The following PHF21B variants were observed in gnomAD, a reference collection of about 807,000 sequenced individuals.
PHF21B encodes PHD finger protein 21B, also known as PHD finger protein 4.
Under a neutral mutation model 62.2 loss-of-function variants are expected in PHF21B, and 22 were observed. The observed-to-expected ratio is 0.35, with a 90% CI of 0.25 to 0.51. PHF21B has a LOEUF of 0.51. Ranked by LOEUF, PHF21B falls within the 20% of genes least tolerant of loss-of-function variation. The probability of loss-of-function intolerance (pLI) is 0.97; values close to 1 mark genes in which losing one functional copy is unlikely to be tolerated. For synonymous variants in PHF21B, 341 were observed against 314.7 expected, an observed-to-expected ratio of 1.08 and a Z score of -0.88; for missense variants, 701 against 707.9, an observed-to-expected ratio of 0.99 and a Z score of 0.11.
intron 2 of PHF21B, among the ~76,000 whole-genome samples, chr22:44,935,545 T>C (rs1460057692): frequency 1.4e-4 from 21 of 150,778 alleles, no homozygotes; most frequent in Admixed American, 1.1e-3. Flanking sequence ...ACCCGGGAGG[T>C]GGAGCTTGCA....
At chr22:44,939,217 C>T (rs972317320) in intron 2 of PHF21B, among the ~76,000 whole-genome samples, 4 of 152,314 alleles carry the variant, frequency 2.6e-5, no homozygotes, top group Non-Finnish European at 5.9e-5. Context: ...CCAGGGACTG[C>T]GGGAAGCTGC....
intron 9 of PHF21B, 119 bp downstream of exon 9, chr22:44,889,641 C>T (rs1353390564): frequency 5.5e-6 from 7 of 1,272,962 alleles, no homozygotes; most frequent in South Asian, 4.4e-5. Context: ...AAGGCAGAAC[C>T]GAAAGGCCTT....
chr22:44,963,404 G>GT (rs1268077119), intron 2 of PHF21B, among the ~76,000 whole-genome samples: 4 of 152,254 alleles, frequency 2.6e-5, no homozygotes, highest in East Asian at 1.9e-4. Flanking sequence ...TAAGGATTTT[G>GT]TTTTTTTACC....
intron 7 of PHF21B, 80 bp from the exon 8 acceptor site, chr22:44,891,440 T>A: frequency 6.6e-7 from 1 of 1,524,154 alleles, no homozygotes; most frequent in Non-Finnish European, 9.0e-7. Context: ...AGGTCAGGAC[T>A]CTCTCTGGGA....
At chr22:44,959,827 G>C (rs2072381037) in intron 2 of PHF21B, among the ~76,000 whole-genome samples, 1 of 152,236 alleles carries the variant, frequency 6.6e-6, no homozygotes, top group South Asian at 2.1e-4. Context: ...AGTTATGAAA[G>C]AAGCCCAGGA....
intron 3 of PHF21B, 53 bp from the exon 4 acceptor site, chr22:44,916,683 G>C: frequency 1.3e-6 from 2 of 1,527,388 alleles, no homozygotes; most frequent in East Asian, 4.5e-5. Flanking sequence ...CAGGAGTGCA[G>C]GGGAGGGGCC....
In PHF21B at chr22:44,916,618, T is replaced by A. The variant is rs1290567112; in HGVS notation, c.226A>T (p.Thr76Ser). 1 of 1,601,208 alleles carries A rather than the reference T, an allele frequency of 6.2e-7. No individual in the cohort carries two copies. Among genetic ancestry groups the A allele is most frequent in the Admixed American group, 1.7e-5 (1 of 59,964 alleles). Reference sequence around the variant, plus strand: ...ACGGGGAGGCTGTCTGGAATCAGAGTCTTTGGCCTAACCTGGGAAGAAGGG... The same window carrying A: ...ACGGGGAGGCTGTCTGGAATCAGAGACTTTGGCCTAACCTGGGAAGAAGGG... The part of the protein sequence containing the change: ...AAVLPQVRPK[T>S]LIPDSLPVAP... Residue 76 changes from threonine to serine, a missense_variant, in exon 4 of 13, where the codon ACT (threonine) becomes TCT (serine). Physicochemically the swap from Thr to Ser is moderately conservative, Grantham distance 58 (BLOSUM62 1). Coordinates refer to ENST00000313237, the MANE Select transcript of PHF21B (RefSeq NM_138415.5).
At chr22:44,894,256 T>A (rs1434861726) in intron 6 of PHF21B, among the ~76,000 whole-genome samples, 1 of 151,896 alleles carries the variant, frequency 6.6e-6, no homozygotes, top group Non-Finnish European at 1.5e-5. Context: ...ACAGCAGAGG[T>A]TGGGGAGAGG....
chr22:44,966,740 A>G (rs144237262), intron 2 of PHF21B, among the ~76,000 whole-genome samples: 2 of 152,340 alleles, frequency 1.3e-5, no homozygotes, highest in Non-Finnish European at 2.9e-5. Context: ...ATCAAGACCA[A>G]GAAAAATTGT....
At chr22:44,922,930 A>T (rs1239533209) in intron 2 of PHF21B, among the ~76,000 whole-genome samples, 1 of 152,172 alleles carries the variant, frequency 6.6e-6, no homozygotes, top group African/African-American at 2.4e-5. Context: ...CTCAAATCAA[A>T]ATCTCAGTCA....
intron 2 of PHF21B, chr22:45,008,212 C>T: frequency 4.5e-6 from 1 of 220,938 alleles, no homozygotes; most frequent in Non-Finnish European, 8.8e-6. Flanking sequence ...CCCCCATGGC[C>T]GCCTCAGCGC....
chr22:44,893,352 G>C (rs2071000176), intron 7 of PHF21B, 105 bp downstream of exon 7: 10 of 1,069,036 alleles, frequency 9.4e-6, no homozygotes, highest in East Asian at 7.8e-5. Flanking sequence ...ACAGACGAGG[G>C]GGGTGCTTAG....
intron 6 of PHF21B, among the ~76,000 whole-genome samples, chr22:44,895,697 A>G (rs1173007888): frequency 2.0e-5 from 3 of 152,194 alleles, no homozygotes; most frequent in Non-Finnish European, 4.4e-5. Context: ...GGGAGCCCAC[A>G]CGGTCCCTCC....
At chr22:44,888,382 C>A (rs2070898294) in intron 9 of PHF21B, among the ~76,000 whole-genome samples, 1 of 152,146 alleles carries the variant, frequency 6.6e-6, no homozygotes, top group East Asian at 1.9e-4. Context: ...GGAGTCTGGC[C>A]TGGTGTGACT....
intron 2 of PHF21B, among the ~76,000 whole-genome samples, chr22:44,995,315 C>T (rs1245363867): frequency 6.6e-6 from 1 of 152,108 alleles, no homozygotes; most frequent in Non-Finnish European, 1.5e-5. Context: ...TAATTAGATC[C>T]ACAATATGAG....
intron 2 of PHF21B, among the ~76,000 whole-genome samples, chr22:44,990,192 G>A (rs141650915): frequency 1.9e-4 from 29 of 152,278 alleles, no homozygotes; most frequent in East Asian, 5.8e-4. Flanking sequence ...GATGGAACAC[G>A]GTCACCCCTG....
chr22:44,962,837 AG>A (rs777991369), intron 2 of PHF21B, among the ~76,000 whole-genome samples: 2 of 152,180 alleles, frequency 1.3e-5, no homozygotes, highest in Non-Finnish European at 2.9e-5. Context: ...CGATGTGGCC[AG>A]AAGACTCAGC....
rs1170676290 is a variant in PHF21B at position 44,881,923 on chromosome 22, C to G, written c.*1163G>C. 6.6e-6 allele frequency: 1 copy of G among 152,606 alleles called. No homozygotes were observed. Among genetic ancestry groups the G allele is most frequent in the Non-Finnish European group, 1.5e-5 (1 of 68,050 alleles). The allele number at this position is 152,606 out of a possible 1,614,324, so 9.5% of individuals were successfully genotyped here. ...CTCCCGAGCCACCGCCCTTTCTTTC[C>G]TCCCCAACCCTCCACCCGGCTCGTA... On this transcript the variant is annotated 3_prime_UTR_variant, in exon 13 of 13. Coordinates refer to ENST00000313237, the MANE Select transcript of PHF21B (RefSeq NM_138415.5).
chr22:44,906,441 G>A (rs1377279323), intron 5 of PHF21B, among the ~76,000 whole-genome samples: 2 of 152,224 alleles, frequency 1.3e-5, no homozygotes, highest in East Asian at 1.9e-4. Flanking sequence ...GGGCCGAAAC[G>A]TGTGTGTAAC....
Sources: allele counts gnomAD v4.1 joint callset (sites outside exome capture counted in the v4.1 genomes callset), GRCh38; gene constraint gnomAD v4.1.1; transcripts MANE v1.5; gene names NCBI Gene and HGNC (gene_info 2026-07-23, HGNC 2026-07-21).